TENM1: variants seen among roughly 807,000 people sequenced by gnomAD.
TENM1 encodes teneurin transmembrane protein 1.
In TENM1, 35 loss-of-function variants were observed where a neutral mutation model predicts 174.8. That is an observed-to-expected ratio of 0.20 (90% CI 0.15 to 0.27). The LOEUF is 0.27. TENM1 is among the 10% of genes least tolerant of loss of function. The probability of loss-of-function intolerance (pLI) is 1.00; values close to 1 mark genes in which losing one functional copy is unlikely to be tolerated. For synonymous variants in TENM1, 781 were observed against 798.7 expected, an observed-to-expected ratio of 0.98 and a Z score of 0.37; for missense variants, 1,633 against 2,130.1, an observed-to-expected ratio of 0.77 and a Z score of 4.59.
At chrX:125,032,626 A>G in the TENM1 span, among the ~76,000 whole-genome samples, 1 of 111,469 alleles carries the variant, frequency 9.0e-6, no homozygotes, top group Non-Finnish European at 1.9e-5. Context: ...CCCTTGTACT[A>G]TCCCCCAGAC....
At chrX:124,997,499 C>T in the TENM1 span, among the ~76,000 whole-genome samples, 1 of 111,497 alleles carries the variant, frequency 9.0e-6, no homozygotes, top group African/African-American at 3.3e-5. Flanking sequence ...TATCGACAAA[C>T]ACAGATGTAC....
At chrX:124,623,378 G>A (rs758218418) in intron 11 of TENM1, among the ~76,000 whole-genome samples, 9 of 111,594 alleles carry the variant, frequency 8.1e-5, no homozygotes, top group African/African-American at 2.0e-4. Flanking sequence ...ATGTGTGTTC[G>A]TGTATTCGCT....
At chrX:124,543,689 T>C (rs1032615499) in intron 15 of TENM1, among the ~76,000 whole-genome samples, 3 of 112,386 alleles carry the variant, frequency 2.7e-5, no homozygotes, top group African/African-American at 9.7e-5. Context: ...TTTGCAGTCA[T>C]GTTTGGAGTA....
At chrX:124,481,855 T>G (rs774811247) in exon 22 of TENM1, 1 of 1,204,165 alleles carries the variant, frequency 8.3e-7, no homozygotes, top group Non-Finnish European at 1.1e-6. Context: ...AGATCTTTCG[T>G]CTCCACAAGA....
chrX:124,385,914 G>C, exon 29 of TENM1: 1 of 1,210,505 alleles, frequency 8.3e-7, no homozygotes, highest in Non-Finnish European at 1.1e-6. Flanking sequence ...CTACTGTCCG[G>C]TGGGGTGTAG....
At chrX:124,875,715 T>A (rs936402924) in intron 3 of TENM1, among the ~76,000 whole-genome samples, 4 of 107,255 alleles carry the variant, frequency 3.7e-5, no homozygotes, top group Non-Finnish European at 5.8e-5. Flanking sequence ...CTCTACAAAA[T>A]TTTTTTTTAA....
intron 3 of TENM1, among the ~76,000 whole-genome samples, chrX:124,892,039 A>T (rs935915586): frequency 6.3e-5 from 7 of 111,537 alleles, no homozygotes; most frequent in Admixed American, 2.9e-4. Context: ...GTCTATGAAG[A>T]GTAGTAATGT....
At chrX:124,890,243 T>G (rs2057452727) in intron 3 of TENM1, among the ~76,000 whole-genome samples, 1 of 112,002 alleles carries the variant, frequency 8.9e-6, no homozygotes, top group African/African-American at 3.2e-5. Flanking sequence ...AAAAACACAT[T>G]CTTGGAAATT....
At chrX:124,543,481 G>A (rs758044377) in intron 15 of TENM1, among the ~76,000 whole-genome samples, 2 of 111,713 alleles carry the variant, frequency 1.8e-5, no homozygotes, top group East Asian at 2.8e-4. Flanking sequence ...TAGTGATGGC[G>A]AGTGAAATGT....
intron 11 of TENM1, among the ~76,000 whole-genome samples, chrX:124,567,078 G>C (rs2048958101): frequency 8.9e-6 from 1 of 111,845 alleles, no homozygotes; most frequent in Non-Finnish European, 1.9e-5. Flanking sequence ...GATAGATAAA[G>C]CTGTCATTAA....
At chrX:124,974,888 C>CTATATATATATATTTTATATATATAA in the TENM1 span, among the ~76,000 whole-genome samples, 1 of 72,727 alleles carries the variant, frequency 1.4e-5, no homozygotes, top group African/African-American at 5.5e-5. Context: ...GGGACTGACA[C>CTATATATATATATTTTATATATATAA]TATATATATA....
chrX:124,413,860 G>A (rs2060563757), intron 25 of TENM1, among the ~76,000 whole-genome samples: 1 of 112,327 alleles, frequency 8.9e-6, no homozygotes, highest in Admixed American at 9.4e-5. Context: ...CATGTGTTTA[G>A]AATGACTGAT....
At chrX:125,043,013 A>G in the TENM1 span, among the ~76,000 whole-genome samples, 13 of 111,420 alleles carry the variant, frequency 1.2e-4, no homozygotes, top group Non-Finnish European at 2.3e-4. Context: ...CTTGATCTTT[A>G]GAAATGAATA....
chrX:124,696,560 T>C (rs181353230), intron 5 of TENM1, among the ~76,000 whole-genome samples: 2 of 111,161 alleles, frequency 1.8e-5, no homozygotes, highest in Non-Finnish European at 3.8e-5. Flanking sequence ...TTAAGCATTG[T>C]ACAACTAGTA....
chrX:125,046,957 T>G, the TENM1 span, among the ~76,000 whole-genome samples: 1 of 109,861 alleles, frequency 9.1e-6, no homozygotes, highest in Non-Finnish European at 1.9e-5. Flanking sequence ...AAGCACCATT[T>G]AATAGAAATA....
intron 23 of TENM1, among the ~76,000 whole-genome samples, chrX:124,434,580 C>T (rs1350449455): frequency 2.7e-5 from 3 of 112,181 alleles, no homozygotes; most frequent in Non-Finnish European, 3.8e-5. Context: ...GAGTTTCCGT[C>T]GACCCTTTCT....
chrX:124,927,036 A>G (rs1048891452), intron 1 of TENM1, among the ~76,000 whole-genome samples: 2 of 112,121 alleles, frequency 1.8e-5, no homozygotes, highest in African/African-American at 6.5e-5. Context: ...CATAACGACA[A>G]CAATTTTACA....
At chrX:125,167,891 C>T in the TENM1 span, among the ~76,000 whole-genome samples, 1 of 111,712 alleles carries the variant, frequency 9.0e-6, no homozygotes, top group Middle Eastern at 4.2e-3. Context: ...TACAATTTTC[C>T]ACCTTCCACA....
At chrX:124,547,828 ATT>A (rs1429051589) in intron 14 of TENM1, among the ~76,000 whole-genome samples, 1 of 111,583 alleles carries the variant, frequency 9.0e-6, no homozygotes, top group African/African-American at 3.3e-5. Flanking sequence ...TTTTGATGCA[ATT>A]ACTATTCTAT....
Sources: allele counts gnomAD v4.1 joint callset (sites outside exome capture counted in the v4.1 genomes callset), GRCh38; gene constraint gnomAD v4.1.1; transcripts MANE v1.5; gene names NCBI Gene and HGNC (gene_info 2026-07-23, HGNC 2026-07-21).